The following LSAMP variants were observed in gnomAD, a reference collection of about 807,000 sequenced individuals.
LSAMP encodes the protein limbic system associated membrane protein.
LSAMP carries 7 observed loss-of-function variants against 38.6 expected under a neutral mutation model. That is an observed-to-expected ratio of 0.18 (90% confidence interval 0.10 to 0.34). The LOEUF (loss-of-function observed/expected upper bound fraction) is 0.34, where lower values mean the gene tolerates loss of function less well. Among genes scored for constraint, LSAMP ranks in the 10% least tolerant of loss-of-function variants. LSAMP has a pLI of 1.00. For synonymous variants in LSAMP, 154 were observed against 166.8 expected (o/e 0.92, Z 0.59); for missense variants, 313 against 420.0 (o/e 0.75, Z 2.23).
At chr3:116,068,851 G>T (rs933054387) in intron 2 of LSAMP, among the ~76,000 whole-genome samples, 3 of 152,204 alleles carry the variant, frequency 2.0e-5, no homozygotes, top group African/African-American at 7.2e-5. Flanking sequence ...CTGGGAGCTT[G>T]CACTAGTAGA....
chr3:116,148,845 G>C (rs559042794), intron 1 of LSAMP, among the ~76,000 whole-genome samples: 21 of 151,992 alleles, frequency 1.4e-4, no homozygotes, highest in Non-Finnish European at 3.1e-4. Context: ...AATGTCAGTA[G>C]TTTGCATTTA....
intron 1 of LSAMP, among the ~76,000 whole-genome samples, chr3:116,166,982 G>A (rs538144486): frequency 4.9e-4 from 75 of 151,948 alleles, no homozygotes; most frequent in Non-Finnish European, 8.7e-4. Context: ...TAGTAGAGAC[G>A]GGGTTTCACC....
At chr3:115,824,399 G>T (rs1934341382) in intron 6 of LSAMP, among the ~76,000 whole-genome samples, 1 of 152,052 alleles carries the variant, frequency 6.6e-6, no homozygotes. Flanking sequence ...ATTTAATAAA[G>T]AACTATATTC....
At chr3:116,442,536 G>A (rs991787458) in intron 1 of LSAMP, among the ~76,000 whole-genome samples, 1 of 152,044 alleles carries the variant, frequency 6.6e-6, no homozygotes, top group Admixed American at 6.6e-5. Context: ...GACCCAGAAA[G>A]CTTACCGGTT....
intron 3 of LSAMP, among the ~76,000 whole-genome samples, chr3:115,953,800 T>C (rs1014963793): frequency 2.0e-5 from 3 of 152,220 alleles, no homozygotes; most frequent in Non-Finnish European, 4.4e-5. Flanking sequence ...GTAACCACAT[T>C]GTCCAGTTTT....
intron 2 of LSAMP, among the ~76,000 whole-genome samples, chr3:116,027,558 AG>A (rs554168391): frequency 2.2e-4 from 34 of 152,286 alleles, no homozygotes; most frequent in Admixed American, 2.1e-3. Context: ...AGCCATAATA[AG>A]GGGAAAATTT....
chr3:116,263,474 G>T (rs1464146723), intron 1 of LSAMP, among the ~76,000 whole-genome samples: 1 of 151,410 alleles, frequency 6.6e-6, no homozygotes, highest in Non-Finnish European at 1.5e-5. Context: ...CGAGGCAGAG[G>T]TTGCAGCCAG....
chr3:116,113,575 G>A (rs555939524), intron 1 of LSAMP, among the ~76,000 whole-genome samples: 1 of 150,002 alleles, frequency 6.7e-6, no homozygotes, highest in East Asian at 2.0e-4. Flanking sequence ...ACAGGCGCCC[G>A]CCACTACGCC....
intron 1 of LSAMP, among the ~76,000 whole-genome samples, chr3:116,378,443 C>A (rs1333002586): frequency 1.3e-5 from 2 of 152,082 alleles, no homozygotes; most frequent in Non-Finnish European, 2.9e-5. Context: ...TGAGTAAAAA[C>A]ATCTCTCTCT....
chr3:116,389,644 T>A (rs2048667370), intron 1 of LSAMP, among the ~76,000 whole-genome samples: 1 of 152,160 alleles, frequency 6.6e-6, no homozygotes. Context: ...AGAAAACCCT[T>A]CCCTGGATAT....
chr3:116,300,793 C>T (rs1275085259), intron 1 of LSAMP, among the ~76,000 whole-genome samples: 9 of 152,082 alleles, frequency 5.9e-5, no homozygotes, highest in Non-Finnish European at 1.2e-4. Context: ...GGATGGCTGA[C>T]TTAAACTTCT....
intron 1 of LSAMP, among the ~76,000 whole-genome samples, chr3:116,314,110 A>G (rs1000220267): frequency 6.6e-6 from 1 of 152,204 alleles, no homozygotes; most frequent in African/African-American, 2.4e-5. Context: ...ATTGCTTAAG[A>G]TTGCTCAGCT....
chr3:115,843,194 T>A (rs1223340536), intron 4 of LSAMP, among the ~76,000 whole-genome samples: 2 of 152,176 alleles, frequency 1.3e-5, no homozygotes, highest in African/African-American at 4.8e-5. Flanking sequence ...TGTGTGGGGG[T>A]ACGGTTTAAA....
chr3:116,209,607 A>T (rs2046125614), intron 1 of LSAMP, among the ~76,000 whole-genome samples: 1 of 152,128 alleles, frequency 6.6e-6, no homozygotes, highest in East Asian at 1.9e-4. Context: ...GAAGAGTAAG[A>T]GGGGGGCTTT....
chr3:116,110,424 C>T lies in LSAMP; in HGVS notation c.156-23868G>A, dbSNP rs530499632. Reference sequence around the variant, plus strand: ...AAACATGGGTGAATAATCAGAGAGGCTTCCCTGCATTGATTAAACACCAAG... The same window carrying T: ...AAACATGGGTGAATAATCAGAGAGGTTTCCCTGCATTGATTAAACACCAAG... On this transcript the variant is annotated intron_variant, in intron 1 of 6. Coordinates refer to ENST00000490035, the MANE Select transcript of LSAMP (RefSeq NM_002338.5). 1.6e-4 allele frequency among the ~76,000 whole-genome samples: 24 copies of T among 152,320 alleles called. No homozygotes were observed. The East Asian group carries it at 3.5e-3, about 22-fold the overall frequency.
At chr3:116,204,706 A>T (rs1210371378) in intron 1 of LSAMP, among the ~76,000 whole-genome samples, 1 of 151,842 alleles carries the variant, frequency 6.6e-6, no homozygotes, top group Middle Eastern at 3.2e-3. Context: ...AAGATCAGAT[A>T]GTTGTAGATA....
Position 116,086,542 on chromosome 3 carries a change from T to C in LSAMP, c.170A>G (p.Asp57Gly), listed in dbSNP as rs779196066. 6.2e-7 allele frequency: 1 copy of C among 1,614,154 alleles called. No individual in the cohort carries two copies. Among genetic ancestry groups the C allele is most frequent in the Non-Finnish European group, 8.5e-7 (1 of 1,179,980 alleles). ...CAACCAGGCCACCTTTGAGTTCTTGTCTTCTACAACGCACCTGACAGAGCA... is the reference window on the plus strand; with the variant it reads ...CAACCAGGCCACCTTTGAGTTCTTGCCTTCTACAACGCACCTGACAGAGCA... ...DTAILRCVVE[D>G]KNSKVAWLNR... The change falls in exon 2 of 7, where the codon GAC (aspartate) becomes GGC (glycine). Residue 57 changes from aspartate (D) to glycine (G), a missense_variant. By Grantham distance (94) the Asp-to-Gly change is moderately conservative (BLOSUM62 -1). Transcript: ENST00000490035.
chr3:116,118,807 A>AT (rs1254761931), intron 1 of LSAMP, among the ~76,000 whole-genome samples: 1 of 152,148 alleles, frequency 6.6e-6, no homozygotes, highest in Non-Finnish European at 1.5e-5. Flanking sequence ...TTTAATTTTT[A>AT]TTTTTTACAT....
intron 3 of LSAMP, among the ~76,000 whole-genome samples, chr3:115,872,075 CTTCTT>C (rs1486414969): frequency 2.0e-5 from 3 of 152,014 alleles, no homozygotes; most frequent in African/African-American, 7.2e-5. Flanking sequence ...CTTTTTCTCT[CTTCTT>C]AGATTTCTGT....
Sources: gnomAD v4.1 joint callset for allele counts (sites outside exome capture counted in the v4.1 genomes callset) on GRCh38, gnomAD v4.1.1 for gene constraint, MANE v1.5 for transcripts, NCBI Gene and HGNC (gene_info 2026-07-23, HGNC 2026-07-21) for gene names.